The following RSPH3 variants were observed in gnomAD, a reference collection of about 807,000 sequenced individuals.
RSPH3 encodes the protein radial spoke head 3.
In RSPH3, 21 loss-of-function variants were observed where a neutral mutation model predicts 43.8. The observed-to-expected ratio is 0.48, with a 90% CI of 0.34 to 0.69. The LOEUF is 0.69. Ranked by LOEUF, RSPH3 falls within the 30% of genes least tolerant of loss-of-function variation. The pLI is 0.01. For missense variants in RSPH3, 487 were observed against 516.0 expected (o/e 0.94, Z 0.54); for synonymous variants, 173 against 179.8 (o/e 0.96, Z 0.30).
chr6:158,982,598 C>T lies in RSPH3; in HGVS notation c.583G>A (p.Glu195Lys). The change falls in exon 5 of 8, where the codon GAA becomes AAA. Residue 195 changes from glutamate (E) to lysine (K), a missense_variant. Coordinates refer to ENST00000367069, the MANE Select transcript of RSPH3 (RefSeq NM_031924.8). The part of the protein sequence containing the change: ...EQSLLEVMEE[E>K]ELANLRASQR... ...CTGGCCCGCAGGTTAGCCAGCTCTT[C>T]TTCTTCCATTACTTCCAGAAGAGAC... The T allele has an allele frequency of 6.2e-7, 1 of 1,614,008 alleles. No individual in the cohort carries two copies.
In RSPH3 at chr6:159,000,095, C is replaced by T; in HGVS notation, c.-545G>A. The stretch of plus-strand genomic sequence containing the variant: ...CGTGCTCCTGCTCTTCCAGGGTGTC[C>T]TCGGCTGTTTCTCCTGCCGCGGCGC... On this transcript the variant is annotated 5_prime_UTR_variant, in exon 1 of 8. Transcript: ENST00000367069. 3 of 1,100,916 alleles carry T rather than the reference C, an allele frequency of 2.7e-6. No individual in the cohort carries two copies. Among genetic ancestry groups the T allele is most frequent in the Middle Eastern group, 2.7e-4 (1 of 3,736 alleles). The allele number at this position is 1,100,916 out of a possible 1,614,324, so 68.2% of individuals were successfully genotyped here.
downstream of RSPH3, among the ~76,000 whole-genome samples, chr6:158,972,100 T>C (rs779254929): frequency 2.6e-5 from 4 of 152,170 alleles, no homozygotes; most frequent in Non-Finnish European, 5.9e-5. Flanking sequence ...ACCATAATCA[T>C]GCCCTCATGA....
At chr6:158,998,582 G>A (rs2114729190) in intron 1 of RSPH3, among the ~76,000 whole-genome samples, 1 of 151,620 alleles carries the variant, frequency 6.6e-6, no homozygotes, top group Admixed American at 6.6e-5. Flanking sequence ...CCGTCCGGGC[G>A]CGGTGGCTCA....
At chr6:158,963,359 TTTCA>T in the RSPH3 span, among the ~76,000 whole-genome samples, 2 of 143,878 alleles carry the variant, frequency 1.4e-5, no homozygotes, top group Non-Finnish European at 3.1e-5. Flanking sequence ...CCTTTCTTTC[TTTCA>T]GATAGGGTTT....
At chr6:158,978,492 A>G in intron 6 of RSPH3, 146 bp from the exon 7 acceptor site, 1 of 560,266 alleles carries the variant, frequency 1.8e-6, no homozygotes, top group Non-Finnish European at 3.1e-6. Flanking sequence ...TATTCCTTAT[A>G]TATGTTCTGG....
intron 3 of RSPH3, among the ~76,000 whole-genome samples, chr6:158,986,019 T>C (rs1452824293): frequency 6.6e-6 from 1 of 151,906 alleles, no homozygotes; most frequent in African/African-American, 2.4e-5. Flanking sequence ...TTTCACCACA[T>C]TGGCCAGGCT....
At chr6:158,966,633 T>C in the RSPH3 span, among the ~76,000 whole-genome samples, 1 of 152,148 alleles carries the variant, frequency 6.6e-6, no homozygotes, top group Non-Finnish European at 1.5e-5. Flanking sequence ...ATTCCCATAA[T>C]AATCTTTATT....
rs1221931970 is a variant in RSPH3 at position 158,974,099 on chromosome 6, C to T, written c.*3439G>A. ...GGATTATAGGCGTAAGCCACCACACCCGGCCAGGAATGACAATTTCAATAT... is the reference window on the plus strand; with the variant it reads ...GGATTATAGGCGTAAGCCACCACACTCGGCCAGGAATGACAATTTCAATAT... On this transcript the variant is annotated 3_prime_UTR_variant, in exon 8 of 8. Coordinates refer to ENST00000367069, the MANE Select transcript of RSPH3 (RefSeq NM_031924.8). 1 of 152,166 alleles carries T rather than the reference C, an allele frequency of 6.6e-6. No homozygotes were observed. Among genetic ancestry groups the T allele is most frequent in the African/African-American group, 2.4e-5 (1 of 41,450 alleles). The allele number at this position is 152,166 out of a possible 1,614,324, so 9.4% of individuals were successfully genotyped here. A position where few individuals can be genotyped will look rare whatever the true frequency, so the allele number is the denominator to read the frequency against.
rs1252059168 is a variant in RSPH3, at chr6:158,993,778, A to T, written c.204+61T>A. The stretch of plus-strand genomic sequence containing the variant: ...ACGGATTAGAAATTAACACCAAGAA[A>T]CTGATCCTTCCCCATAGATAATGTG... On this transcript the variant is annotated intron_variant, in intron 2 of 7. Coordinates refer to ENST00000367069, the MANE Select transcript of RSPH3 (RefSeq NM_031924.8). 16 of 889,178 alleles carry T rather than the reference A, an allele frequency of 1.8e-5. No individual in the cohort carries two copies. In the East Asian group the frequency reaches 3.6e-4, roughly 20 times the overall value. The allele number at this position is 889,178 out of a possible 1,614,324, so 55.1% of individuals were successfully genotyped here. A position where few individuals can be genotyped will look rare whatever the true frequency, so the allele number is the denominator to read the frequency against.
Position 158,977,361 on chromosome 6 carries a change from ATT to A in RSPH3, c.*175_*176del. ...ATATTCTATTAAATAAATGAATTCA[ATT>A]TAAGTTTCATTCTCAAATTAATTTT... On this transcript the variant is annotated 3_prime_UTR_variant, in exon 8 of 8. Coordinates refer to ENST00000367069, the MANE Select transcript of RSPH3 (RefSeq NM_031924.8). 1.8e-6 allele frequency: 1 copy of A among 564,576 alleles called. No homozygotes were observed. Among genetic ancestry groups the A allele is most frequent in the East Asian group, 2.8e-5 (1 of 35,282 alleles). The allele number at this position is 564,576 out of a possible 1,614,324, so 35.0% of individuals were successfully genotyped here. A position where few individuals can be genotyped will look rare whatever the true frequency, so the allele number is the denominator to read the frequency against.
chr6:158,968,723 T>C (rs1302648915), downstream of RSPH3, among the ~76,000 whole-genome samples: 1 of 152,158 alleles, frequency 6.6e-6, no homozygotes, highest in Non-Finnish European at 1.5e-5. Context: ...TATTTATTTA[T>C]TTACTGTGAA....
chr6:158,986,049 C>T (rs1778226850), intron 3 of RSPH3, among the ~76,000 whole-genome samples: 1 of 152,160 alleles, frequency 6.6e-6, no homozygotes, highest in Non-Finnish European at 1.5e-5. Context: ...CTCCTGACCT[C>T]AGGCGATCTG....
rs944508287 is a variant in RSPH3, at chr6:158,982,615, A to G, written c.566T>C (p.Leu189Pro). The G allele has an allele frequency of 2.7e-5, 43 of 1,613,842 alleles. No homozygotes were observed. The highest frequency in any genetic ancestry group is 3.2e-5 in the Non-Finnish European group (38 of 1,179,928). ...CAGCTCTTCTTCTTCCATTACTTCC[A>G]GAAGAGACTGCTCAATTGTCTTCCC... Reference protein sequence around the residue: ...LVGKTIEQSLLEVMEEEELAN... With the variant: ...LVGKTIEQSLPEVMEEEELAN... The change falls in exon 5 of 8, where the codon CTG becomes CCG. Residue 189 changes from leucine to proline, a missense_variant. Leu to Pro is a moderately conservative substitution (Grantham distance 98). Coordinates refer to ENST00000367069, the MANE Select transcript of RSPH3 (RefSeq NM_031924.8).
Position 158,986,319 on chromosome 6 carries a change from C to T in RSPH3, c.307G>A (p.Glu103Lys), listed in dbSNP as rs138365743. The change falls in exon 3 of 8, where the codon GAA becomes AAA. Residue 103 changes from glutamate to lysine, a missense_variant. Transcript: ENST00000367069. ...ACATGCTTTCTGCCTTCCACAGGTT[C>T]AGGTGTTTGTGGTCTGAGCTGCTCT... ...AQEQLRPQTP[E>K]PVEGRKHVDV... 6.2e-7 allele frequency: 1 copy of T among 1,614,076 alleles called. No individual in the cohort carries two copies. Among genetic ancestry groups the T allele is most frequent in the Non-Finnish European group, 8.5e-7 (1 of 1,180,032 alleles).
Position 158,986,296 on chromosome 6 carries a change from A to C in RSPH3, c.330T>G (p.His110Gln). The change falls in exon 3 of 8, where the codon CAT becomes CAG. Residue 110 changes from histidine (H) to glutamine (Q), a missense_variant. By Grantham distance (24) the His-to-Gln change is conservative. Transcript: ENST00000367069. ...GTCACACACCTGTTTGCACATCGAC[A>C]TGCTTTCTGCCTTCCACAGGTTCAG... ...QTPEPVEGRK[H>Q]VDVQTELYLE... 6.2e-7 allele frequency: 1 copy of C among 1,614,036 alleles called. No individual in the cohort carries two copies. Among genetic ancestry groups the C allele is most frequent in the Admixed American group, 1.7e-5 (1 of 59,974 alleles).
intron 2 of RSPH3, 84 bp downstream of exon 2, chr6:158,993,755 G>T: frequency 2.8e-6 from 2 of 719,778 alleles, no homozygotes; most frequent in Non-Finnish European, 4.7e-6. Context: ...AGTCTGCAAC[G>T]GATTAGAAAT....
chr6:158,968,635 C>T (rs1164982013), downstream of RSPH3, among the ~76,000 whole-genome samples: 1 of 152,150 alleles, frequency 6.6e-6, no homozygotes, highest in Non-Finnish European at 1.5e-5. Flanking sequence ...TAATAGTAAT[C>T]TAATTTCAAG....
downstream of RSPH3, among the ~76,000 whole-genome samples, chr6:158,968,825 C>T (rs1209259249): frequency 5.9e-5 from 9 of 152,116 alleles, no homozygotes; most frequent in African/African-American, 1.9e-4. Flanking sequence ...AATTCTCCTG[C>T]CTTAGCCTCC....
Position 158,999,870 on chromosome 6 carries a change from G to A in RSPH3, c.-320C>T. On this transcript the variant is annotated 5_prime_UTR_variant, in exon 1 of 8. Transcript: ENST00000367069. The stretch of plus-strand genomic sequence containing the variant: ...TTTCCCGGGAAGGACTGCGGCACAA[G>A]GGACTTCCGGCTCTTGACTCCGCCC... 2 of 1,613,756 alleles carry A rather than the reference G, an allele frequency of 1.2e-6. No homozygotes were observed. Among genetic ancestry groups the A allele is most frequent in the Non-Finnish European group, 1.7e-6 (2 of 1,179,956 alleles).
Sources: allele counts gnomAD v4.1 joint callset (sites outside exome capture counted in the v4.1 genomes callset), GRCh38; gene constraint gnomAD v4.1.1; transcripts MANE v1.5; gene names NCBI Gene and HGNC (gene_info 2026-07-23, HGNC 2026-07-21).